Variants in RAB3GAP1 observed in about 807,000 individuals in gnomAD.
RAB3GAP1 encodes RAB3 GTPase activating protein catalytic subunit 1.
A neutral mutation model predicts 130.7 loss-of-function variants in RAB3GAP1; 86 were observed. That is an observed-to-expected ratio of 0.66 (90% CI 0.55 to 0.79). RAB3GAP1 has a LOEUF of 0.79. Among genes scored for constraint, RAB3GAP1 ranks in the 30% least tolerant of loss-of-function variants. The probability of loss-of-function intolerance (pLI) is 0.00; values close to 1 mark genes in which losing one functional copy is unlikely to be tolerated. For synonymous variants in RAB3GAP1, 367 were observed against 401.7 expected (o/e 0.91, Z 1.03); for missense variants, 1,029 against 1,169.4 (o/e 0.88, Z 1.75).
intron 3 of RAB3GAP1, among the ~76,000 whole-genome samples, chr2:135,088,796 T>A (rs1690059265): frequency 6.6e-6 from 1 of 152,088 alleles, no homozygotes; most frequent in African/African-American, 2.4e-5. Flanking sequence ...CTTTGTAGAT[T>A]CTGGATCCAT....
intron 23 of RAB3GAP1, among the ~76,000 whole-genome samples, chr2:135,168,117 G>T (rs1035930937): frequency 3.3e-5 from 5 of 152,098 alleles, no homozygotes; most frequent in Middle Eastern, 3.2e-3. Context: ...AAAAAGAATC[G>T]ATTAAAAAAT....
intron 6 of RAB3GAP1, among the ~76,000 whole-genome samples, chr2:135,114,625 A>G (rs1195258692): frequency 6.6e-6 from 1 of 152,230 alleles, no homozygotes; most frequent in South Asian, 2.1e-4. Flanking sequence ...GTTAATACAT[A>G]ACCTTCTTTT....
At chr2:135,076,865 C>T (rs1689646655) in intron 3 of RAB3GAP1, among the ~76,000 whole-genome samples, 1 of 152,194 alleles carries the variant, frequency 6.6e-6, no homozygotes, top group Non-Finnish European at 1.5e-5. Context: ...TTTCACTTAA[C>T]ATGAAACATG....
At chr2:135,094,172 A>G (rs1280100458) in intron 5 of RAB3GAP1, among the ~76,000 whole-genome samples, 1 of 151,136 alleles carries the variant, frequency 6.6e-6, no homozygotes, top group Non-Finnish European at 1.5e-5. Context: ...GAATGGTGAG[A>G]ACCCTCCCCA....
chr2:135,106,807 A>G (rs1437350559), intron 5 of RAB3GAP1, among the ~76,000 whole-genome samples: 1 of 151,832 alleles, frequency 6.6e-6, no homozygotes, highest in African/African-American at 2.4e-5. Flanking sequence ...AAGCTGAAAA[A>G]AAAAAGGAAA....
At chr2:135,123,347 ATTGAC>A (rs1390253759) in intron 8 of RAB3GAP1, among the ~76,000 whole-genome samples, 3 of 152,168 alleles carry the variant, frequency 2.0e-5, no homozygotes, top group Non-Finnish European at 4.4e-5. Context: ...GAAAAATGGA[ATTGAC>A]TTGAGAAAAT....
At chr2:135,112,826 TCTCTCTCTCACACA>T (rs1198452113) in intron 5 of RAB3GAP1, among the ~76,000 whole-genome samples, 47 of 129,948 alleles carry the variant, frequency 3.6e-4, no homozygotes, top group African/African-American at 1.7e-3. Context: ...TCTCTCTCTC[TCTCTCTCTCACACA>T]CACACACACA....
chr2:135,129,059 G>A (rs535117289), intron 11 of RAB3GAP1, among the ~76,000 whole-genome samples: 6 of 152,330 alleles, frequency 3.9e-5, no homozygotes, highest in African/African-American at 1.2e-4. Context: ...GGCTGAGGTG[G>A]GAGGATCACC....
chr2:135,103,580 C>T (rs1414560660), intron 5 of RAB3GAP1, among the ~76,000 whole-genome samples: 1 of 152,152 alleles, frequency 6.6e-6, no homozygotes, highest in Non-Finnish European at 1.5e-5. Context: ...CAAAAAACAA[C>T]CATTTCTGGC....
intron 5 of RAB3GAP1, among the ~76,000 whole-genome samples, chr2:135,100,765 C>T (rs1326359772): frequency 6.6e-6 from 1 of 152,116 alleles, no homozygotes; most frequent in African/African-American, 2.4e-5. Context: ...TGGTTACTGC[C>T]TTAGTAATCT....
At chr2:135,082,484 A>G (rs974820347) in intron 3 of RAB3GAP1, among the ~76,000 whole-genome samples, 6 of 148,020 alleles carry the variant, frequency 4.1e-5, no homozygotes, top group African/African-American at 1.3e-4. Context: ...TCTGTCGCCC[A>G]GGCTGGAGTG....
intron 15 of RAB3GAP1, 52 bp downstream of exon 15, chr2:135,134,085 C>G: frequency 6.2e-7 from 1 of 1,601,884 alleles, no homozygotes; most frequent in East Asian, 2.2e-5. Context: ...TGTTAGCAGA[C>G]ATTTGACTTT....
chr2:135,153,911 A>C (rs1401128003), intron 19 of RAB3GAP1, 35 bp downstream of exon 19: 1 of 1,575,218 alleles, frequency 6.3e-7, no homozygotes. Flanking sequence ...ACTAGAATGC[A>C]AATTACTGTT....
At position 135,139,600 on chromosome 2, in the gene RAB3GAP1, T is replaced by C. The variant is rs549301545; in HGVS notation, c.1923+3668T>C. The stretch of plus-strand genomic sequence containing the variant: ...AATCTTTAGTATACTGCTTGGTGAA[T>C]TTTTTCATATTGATACATGCATATA... On this transcript the variant is annotated intron_variant, in intron 17 of 23. Transcript: ENST00000264158. Among the ~76,000 whole-genome samples, 11 of 151,480 alleles carry C rather than the reference T, an allele frequency of 7.3e-5. No homozygotes were observed. The South Asian group carries it at 2.3e-3, about 32-fold the overall frequency.
At chr2:135,060,451 G>A (rs1394175057) in intron 3 of RAB3GAP1, among the ~76,000 whole-genome samples, 2 of 151,450 alleles carry the variant, frequency 1.3e-5, no homozygotes, top group African/African-American at 2.4e-5. Flanking sequence ...TAGTAGAGAC[G>A]GGGTTTCACT....
rs1422581439 is a variant in RAB3GAP1, at chr2:135,169,115, C to T, written c.*334C>T. The T allele has an allele frequency of 9.8e-6, 4 of 406,216 alleles. No individual in the cohort carries two copies. The highest frequency in any genetic ancestry group is 2.0e-5 in the African/African-American group (1 of 48,874). 25.2% of individuals were successfully genotyped at this position (406,216 alleles called of 1,614,324 possible). Reference sequence around the variant, plus strand: ...CATCGCATTCTCTTCTGTGACCAGCCTCTAGGCTAGCGGCTGCATTCGTGG... The same window carrying T: ...CATCGCATTCTCTTCTGTGACCAGCTTCTAGGCTAGCGGCTGCATTCGTGG... On this transcript the variant is annotated 3_prime_UTR_variant, in exon 24 of 24. Transcript: ENST00000264158.
In RAB3GAP1 at chr2:135,123,772, G is replaced by A. The variant is rs886556205; in HGVS notation, c.749-393G>A. ...ATTTCCTATTCAGAAATTACTGATA[G>A]CAAAACTGATTAATGTAGTTGGTGA... On this transcript the variant is annotated intron_variant, in intron 8 of 23. Transcript: ENST00000264158. Among the ~76,000 whole-genome samples the A allele has an allele frequency of 2.0e-5, 3 of 152,044 alleles. No individual in the cohort carries two copies. In the East Asian group the frequency reaches 5.8e-4, roughly 29 times the overall value.
At chr2:135,156,509 CTG>C (rs576784775) in intron 19 of RAB3GAP1, among the ~76,000 whole-genome samples, 11 of 152,138 alleles carry the variant, frequency 7.2e-5, no homozygotes, top group Non-Finnish European at 1.3e-4. Flanking sequence ...ATTTAGAAGT[CTG>C]TTTATATAAT....
At chr2:135,079,905 G>A (rs538825012) in intron 3 of RAB3GAP1, among the ~76,000 whole-genome samples, 8 of 152,170 alleles carry the variant, frequency 5.3e-5, no homozygotes, top group African/African-American at 1.7e-4. Context: ...CGAGGCGGGC[G>A]GATCACGAGG....
Sources: allele counts gnomAD v4.1 joint callset (sites outside exome capture counted in the v4.1 genomes callset), GRCh38; gene constraint gnomAD v4.1.1; transcripts MANE v1.5; gene names NCBI Gene and HGNC (gene_info 2026-07-23, HGNC 2026-07-21).